Variants in POLR3G observed in about 807,000 individuals in gnomAD.
The protein encoded by POLR3G is RNA polymerase III subunit G.
POLR3G carries 28 observed loss-of-function variants against 30.1 expected under a neutral mutation model. The observed-to-expected ratio is 0.93, with a 90% confidence interval of 0.69 to 1.27. The LOEUF is 1.27. Ranked by LOEUF, POLR3G falls within the 50% of genes most tolerant of loss-of-function variation. POLR3G has a pLI of 0.00. For missense variants in POLR3G, 254 were observed against 264.6 expected, an observed-to-expected ratio of 0.96 and a Z score of 0.28; for synonymous variants, 79 against 82.5, an observed-to-expected ratio of 0.96 and a Z score of 0.23.
chr5:90,507,715 TTCTG>T (rs1752557327), intron 7 of POLR3G, among the ~76,000 whole-genome samples: 1 of 152,214 alleles, frequency 6.6e-6, no homozygotes, highest in South Asian at 2.1e-4. Flanking sequence ...TTCCTGAATA[TTCTG>T]TCTATTCTTT....
intron 4 of POLR3G, 140 bp from the exon 5 acceptor site, chr5:90,497,516 C>G (rs1207456182): frequency 1.0e-6 from 1 of 953,926 alleles, no homozygotes; most frequent in East Asian, 3.4e-5. Flanking sequence ...TTATATGTTT[C>G]AAGCTAAATT....
chr5:90,481,986 TATGGAG>T (rs1422348362), intron 1 of POLR3G, among the ~76,000 whole-genome samples: 13 of 152,276 alleles, frequency 8.5e-5, no homozygotes, highest in Middle Eastern at 3.4e-3. Context: ...GTAGTGGGTA[TATGGAG>T]ATTTAATATA....
rs1018340182 is a variant in POLR3G, at chr5:90,514,020, A to G, written c.*1881A>G. On this transcript the variant is annotated 3_prime_UTR_variant, in exon 8 of 8. Coordinates refer to ENST00000651687, the MANE Select transcript of POLR3G (RefSeq NM_006467.3). ...GAAGATAAAGGTTATTTCTTTTTTT[A>G]GCTTTGAATTTGTCATGACCATTTT... 6.6e-6 allele frequency: 1 copy of G among 152,138 alleles called. No individual in the cohort carries two copies. The highest frequency in any genetic ancestry group is 2.4e-5 in the African/African-American group (1 of 41,428). 9.4% of individuals were successfully genotyped at this position (152,138 alleles called of 1,614,324 possible). A position where few individuals can be genotyped will look rare whatever the true frequency, so the allele number is the denominator to read the frequency against.
In POLR3G at chr5:90,513,343, G is replaced by A. The variant is rs1411143704; in HGVS notation, c.*1204G>A. The A allele has an allele frequency of 6.6e-6, 1 of 152,524 alleles. No homozygotes were observed. The highest frequency in any genetic ancestry group is 1.5e-5 in the Non-Finnish European group (1 of 67,970). The allele number at this position is 152,524 out of a possible 1,614,324, so 9.4% of individuals were successfully genotyped here. ...TACTATTAAACTCAACCTTGAACCTGAGCTTGGTTGTTTCTGTGCCTTAGT... is the reference window on the plus strand; with the variant it reads ...TACTATTAAACTCAACCTTGAACCTAAGCTTGGTTGTTTCTGTGCCTTAGT... On this transcript the variant is annotated 3_prime_UTR_variant, in exon 8 of 8. Coordinates refer to ENST00000651687, the MANE Select transcript of POLR3G (RefSeq NM_006467.3).
At chr5:90,511,525 G>T (rs979432377) in intron 7 of POLR3G, among the ~76,000 whole-genome samples, 1 of 151,798 alleles carries the variant, frequency 6.6e-6, no homozygotes, top group African/African-American at 2.4e-5. Context: ...TTGCATGGAT[G>T]ATAGTCTTAT....
intron 3 of POLR3G, chr5:90,490,668 C>T (rs1170645830): frequency 7.7e-6 from 3 of 391,856 alleles, no homozygotes; most frequent in Non-Finnish European, 1.5e-5. Flanking sequence ...CTCGGCCTTC[C>T]AAAGTGCTGA....
intron 5 of POLR3G, among the ~76,000 whole-genome samples, chr5:90,501,010 C>G (rs1257380648): frequency 6.6e-6 from 1 of 151,752 alleles, no homozygotes. Context: ...CCTCAAAATG[C>G]AATATTTTTG....
Position 90,486,517 on chromosome 5 carries a change from T to C in POLR3G, c.117+833T>C, listed in dbSNP as rs73190469. On this transcript the variant is annotated intron_variant, in intron 2 of 7. Transcript: ENST00000651687. ...GTTCTGATGTCTCTCTGACCCTTTT[T>C]CTACCACTGTCCTCATTCCCCAGCT... 3.6e-3 allele frequency among the ~76,000 whole-genome samples: 554 copies of C among 152,346 alleles called. 1 individual carries two copies. The highest frequency in any genetic ancestry group is 0.012 in the African/African-American group (504 of 41,590).
chr5:90,494,040 A>T (rs1751867931), intron 3 of POLR3G, among the ~76,000 whole-genome samples: 1 of 151,978 alleles, frequency 6.6e-6, no homozygotes, highest in African/African-American at 2.4e-5. Context: ...GCTTTTCATC[A>T]TCTAGAAAAG....
Position 90,512,828 on chromosome 5 carries a change from T to A in POLR3G, c.*689T>A, listed in dbSNP as rs1454332223. ...AGACTTAATACTGTATATGAATTAATCATCCCACTGTAATAACTGACATCT... is the reference window on the plus strand; with the variant it reads ...AGACTTAATACTGTATATGAATTAAACATCCCACTGTAATAACTGACATCT... On this transcript the variant is annotated 3_prime_UTR_variant, in exon 8 of 8. Transcript: ENST00000651687. The A allele has an allele frequency of 6.6e-6, 1 of 152,246 alleles. No individual in the cohort carries two copies. Among genetic ancestry groups the A allele is most frequent in the Non-Finnish European group, 1.5e-5 (1 of 68,002 alleles). 9.4% of individuals were successfully genotyped at this position (152,246 alleles called of 1,614,324 possible). A position where few individuals can be genotyped will look rare whatever the true frequency, so the allele number is the denominator to read the frequency against.
rs542305645 is a variant in POLR3G, at chr5:90,485,279, A to G, written c.-43-246A>G. 1.9e-4 allele frequency among the ~76,000 whole-genome samples: 29 copies of G among 152,270 alleles called. No individual in the cohort carries two copies. In the South Asian group the frequency reaches 3.5e-3, roughly 18 times the overall value. On this transcript the variant is annotated intron_variant, in intron 1 of 7. Coordinates refer to ENST00000651687, the MANE Select transcript of POLR3G (RefSeq NM_006467.3). ...TGCCAAACCACAGAAGGGTGGGTGA[A>G]TTGCGTGGACTGGATGTGGGGCAGT... is the stretch of plus-strand genomic sequence containing the variant.
chr5:90,496,250 G>A (rs891114211), intron 4 of POLR3G, among the ~76,000 whole-genome samples: 4 of 152,158 alleles, frequency 2.6e-5, no homozygotes, highest in East Asian at 1.9e-4. Context: ...TTACAGGCAT[G>A]AGCCAACACC....
chr5:90,510,414 T>C (rs1022522480), intron 7 of POLR3G, among the ~76,000 whole-genome samples: 1 of 151,968 alleles, frequency 6.6e-6, no homozygotes, highest in African/African-American at 2.4e-5. Flanking sequence ...CGTCACACAA[T>C]TACCAAATTT....
chr5:90,502,735 C>A (rs1240202237), intron 6 of POLR3G, among the ~76,000 whole-genome samples: 1 of 147,846 alleles, frequency 6.8e-6, no homozygotes, highest in Non-Finnish European at 1.5e-5. Flanking sequence ...TCTGCGTTTT[C>A]ATTTTATCAC....
chr5:90,497,114 TA>T, intron 4 of POLR3G, among the ~76,000 whole-genome samples: 1 of 152,320 alleles, frequency 6.6e-6, no homozygotes, highest in East Asian at 1.9e-4. Context: ...TTAGAGGAAT[TA>T]TTTAGCTAAT....
chr5:90,485,603 T>C lies in POLR3G; in HGVS notation c.36T>C (p.Tyr12=), dbSNP rs1036407078. The C allele has an allele frequency of 6.2e-7, 1 of 1,613,942 alleles. No individual in the cohort carries two copies. The highest frequency in any genetic ancestry group is 1.3e-5 in the African/African-American group (1 of 74,940). The change falls in exon 2 of 8, where the codon TAT becomes TAC. Residue 12 remains tyrosine, a synonymous_variant. Transcript: ENST00000651687. Reference sequence around the variant, plus strand: ...ATAAAGGAAGAGGACGTGCTGCTTATACCTTTAATATTGAGGCTGTTGGAT... The same window carrying C: ...ATAAAGGAAGAGGACGTGCTGCTTACACCTTTAATATTGAGGCTGTTGGAT... The part of the protein sequence containing the change: ...AGNKGRGRAA[Y]TFNIEAVGFS...
chr5:90,508,771 A>G (rs1752608222), intron 7 of POLR3G, among the ~76,000 whole-genome samples: 1 of 152,190 alleles, frequency 6.6e-6, no homozygotes, highest in East Asian at 1.9e-4. Flanking sequence ...TATTATTAAA[A>G]TATTATTTCC....
upstream of POLR3G, chr5:90,474,467 G>A (rs1293262585): frequency 4.8e-6 from 3 of 623,198 alleles, no homozygotes; most frequent in South Asian, 3.9e-5. Context: ...GAAGGACGCA[G>A]ACCGACGCTG....
At chr5:90,507,158 A>G (rs1323297358) in intron 7 of POLR3G, among the ~76,000 whole-genome samples, 4 of 152,266 alleles carry the variant, frequency 2.6e-5, no homozygotes, top group East Asian at 1.9e-4. Context: ...TGGGATGTCT[A>G]ACTTTTAGAA....
Sources: gnomAD v4.1 joint callset for allele counts (sites outside exome capture counted in the v4.1 genomes callset) on GRCh38, gnomAD v4.1.1 for gene constraint, MANE v1.5 for transcripts, NCBI Gene and HGNC (gene_info 2026-07-23, HGNC 2026-07-21) for gene names.